CTNNBIP1: variants seen among roughly 807,000 people sequenced by gnomAD.
The protein encoded by CTNNBIP1 is catenin beta interacting protein 1, also known as beta-catenin-interacting protein 1.
A neutral mutation model predicts 11.8 loss-of-function variants in CTNNBIP1; 7 were observed. The observed-to-expected ratio is 0.60, with a 90% CI of 0.34 to 1.12. The LOEUF (loss-of-function observed/expected upper bound fraction) is 1.12, where lower values mean the gene tolerates loss of function less well. Ranked by LOEUF, CTNNBIP1 falls within the 50% of genes most tolerant of loss-of-function variation. The pLI is 0.03. For synonymous variants in CTNNBIP1, 58 were observed against 43.9 expected (o/e 1.32, Z -1.26); for missense variants, 101 against 113.4 (o/e 0.89, Z 0.50).
intron 3 of CTNNBIP1, among the ~76,000 whole-genome samples, chr1:9,877,304 T>C (rs1313700406): frequency 6.6e-6 from 1 of 152,232 alleles, no homozygotes; most frequent in Non-Finnish European, 1.5e-5. Context: ...CTGGCCTCGC[T>C]TTGACAGGCA....
intron 3 of CTNNBIP1, among the ~76,000 whole-genome samples, chr1:9,876,596 G>A (rs1421217469): frequency 1.3e-5 from 2 of 152,088 alleles, no homozygotes; most frequent in East Asian, 1.9e-4. Flanking sequence ...CAACCTGAGC[G>A]ACAGAGTGAG....
Position 9,906,258 on chromosome 1 carries a change from A to C in CTNNBIP1, c.-144+3837T>G, listed in dbSNP as rs115369999. On this transcript the variant is annotated intron_variant, in intron 1 of 5. Coordinates refer to ENST00000377263, the MANE Select transcript of CTNNBIP1 (RefSeq NM_020248.3). ...GTCTTGGTACAAAGTCCATGGTCTA[A>C]TTAAGAGCTACACTTCAGGCCAGGC... 4.7e-3 allele frequency among the ~76,000 whole-genome samples: 718 copies of C among 152,298 alleles called. 6 individuals carry two copies. The highest frequency in any genetic ancestry group is 0.016 in the African/African-American group (651 of 41,560).
In CTNNBIP1 at chr1:9,871,075, G is replaced by A. The variant is rs1005106264; in HGVS notation, c.187+112C>T. On this transcript the variant is annotated intron_variant, in intron 5 of 5. Coordinates refer to ENST00000377263, the MANE Select transcript of CTNNBIP1 (RefSeq NM_020248.3). The surrounding 1 kb of genome is among the most constrained non-coding windows in gnomAD (Gnocchi z 5.2). ...CTGTAGCCCCTCCTAGTCAGCCCTG[G>A]GTCTCATGGATCACCCATCAAAGAG... 72 of 776,712 alleles carry A rather than the reference G, an allele frequency of 9.3e-5. No homozygotes were observed. Among genetic ancestry groups the A allele is most frequent in the Non-Finnish European group, 1.3e-4 (63 of 483,516 alleles). The allele number at this position is 776,712 out of a possible 1,614,324, so 48.1% of individuals were successfully genotyped here.
intron 3 of CTNNBIP1, among the ~76,000 whole-genome samples, chr1:9,873,464 G>A (rs1388092403): frequency 2.0e-5 from 3 of 152,178 alleles, no homozygotes; most frequent in Non-Finnish European, 4.4e-5. Flanking sequence ...CTGTGCAGCT[G>A]AGCAGGGAAG....
At chr1:9,878,879 C>T (rs146474789) in intron 2 of CTNNBIP1, among the ~76,000 whole-genome samples, 4 of 152,228 alleles carry the variant, frequency 2.6e-5, no homozygotes, top group African/African-American at 9.6e-5. Flanking sequence ...ATATATTATG[C>T]GGTAGACAAC....
chr1:9,870,381 G>A (rs1228609371), intron 5 of CTNNBIP1, among the ~76,000 whole-genome samples: 1 of 152,206 alleles, frequency 6.6e-6, no homozygotes, highest in Non-Finnish European at 1.5e-5. Flanking sequence ...ACCTTGCTGA[G>A]CAGCCAAGGG....
chr1:9,874,148 C>T lies in CTNNBIP1; in HGVS notation c.-24-2060G>A, dbSNP rs548296255. The stretch of plus-strand genomic sequence containing the variant: ...TTCCCCTTGCTCTGCCTTCCTGGCA[C>T]TCGTCCGTTCTAGAACATGCGGAGA... On this transcript the variant is annotated intron_variant, in intron 3 of 5. Coordinates refer to ENST00000377263, the MANE Select transcript of CTNNBIP1 (RefSeq NM_020248.3). Among the ~76,000 whole-genome samples, 5 of 152,314 alleles carry T rather than the reference C, an allele frequency of 3.3e-5. No homozygotes were observed. In the South Asian group the frequency reaches 8.3e-4, roughly 25 times the overall value.
intron 1 of CTNNBIP1, among the ~76,000 whole-genome samples, chr1:9,902,601 C>G (rs571182286): frequency 6.6e-6 from 1 of 152,262 alleles, no homozygotes; most frequent in South Asian, 2.1e-4. Flanking sequence ...CCACTCAGGG[C>G]AGGTAGCCAC....
chr1:9,854,926 C>A (rs922216624), intron 5 of CTNNBIP1, among the ~76,000 whole-genome samples: 6 of 152,182 alleles, frequency 3.9e-5, no homozygotes, highest in African/African-American at 1.4e-4. Context: ...ATCTGCCCAC[C>A]TTGGCCTCCC....
chr1:9,908,204 A>G (rs754569195), intron 1 of CTNNBIP1, among the ~76,000 whole-genome samples: 2 of 151,096 alleles, frequency 1.3e-5, no homozygotes, highest in African/African-American at 2.4e-5. Context: ...GACTACAGGC[A>G]TGCACCACCA....
intron 1 of CTNNBIP1, among the ~76,000 whole-genome samples, chr1:9,893,389 G>A (rs1339255268): frequency 3.3e-5 from 5 of 152,198 alleles, no homozygotes; most frequent in South Asian, 4.2e-4. Context: ...CCAAAGCCAC[G>A]AAACTGTTAG....
intron 1 of CTNNBIP1, among the ~76,000 whole-genome samples, chr1:9,908,370 C>CTTTTT (rs35640583): frequency 1.4e-5 from 1 of 72,464 alleles, no homozygotes; most frequent in African/African-American, 4.9e-5. Context: ...TCCACAGATT[C>CTTTTT]TTTTTTTTTT....
intron 1 of CTNNBIP1, among the ~76,000 whole-genome samples, chr1:9,889,775 A>C (rs1639263601): frequency 6.6e-6 from 1 of 152,228 alleles, no homozygotes; most frequent in Non-Finnish European, 1.5e-5. Context: ...ATACTAAAAC[A>C]AACCCACATC....
At chr1:9,889,050 A>G (rs946024262) in intron 1 of CTNNBIP1, among the ~76,000 whole-genome samples, 2 of 152,152 alleles carry the variant, frequency 1.3e-5, no homozygotes, top group African/African-American at 4.8e-5. Context: ...CCTCCTTTCT[A>G]TGAAGGGGCT....
intron 5 of CTNNBIP1, among the ~76,000 whole-genome samples, chr1:9,857,515 C>T (rs1570559674): frequency 6.7e-6 from 1 of 149,748 alleles, no homozygotes; most frequent in South Asian, 2.1e-4. Flanking sequence ...AAAGGCCAGG[C>T]ACAGTGGCTC....
At chr1:9,863,815 C>T (rs1479076047) in intron 5 of CTNNBIP1, among the ~76,000 whole-genome samples, 1 of 152,178 alleles carries the variant, frequency 6.6e-6, no homozygotes, top group African/African-American at 2.4e-5. Flanking sequence ...GAACTTTCCA[C>T]ACTGAGCTGT....
At chr1:9,902,955 C>T (rs779009533) in intron 1 of CTNNBIP1, among the ~76,000 whole-genome samples, 26 of 152,098 alleles carry the variant, frequency 1.7e-4, no homozygotes, top group African/African-American at 5.8e-4. Flanking sequence ...TTAGTAAAGA[C>T]GGGGTTTCAC....
intron 1 of CTNNBIP1, among the ~76,000 whole-genome samples, chr1:9,897,843 G>A (rs1046138540): frequency 6.6e-6 from 1 of 151,812 alleles, no homozygotes; most frequent in Non-Finnish European, 1.5e-5. Context: ...AAATTTGGCC[G>A]GATGCGGTGG....
chr1:9,866,662 A>G (rs1057497670), intron 5 of CTNNBIP1, among the ~76,000 whole-genome samples: 1 of 149,658 alleles, frequency 6.7e-6, no homozygotes, highest in Non-Finnish European at 1.5e-5. Flanking sequence ...CCTGGGTGAC[A>G]GAACAAAACT....
Sources: gnomAD v4.1 joint callset for allele counts (sites outside exome capture counted in the v4.1 genomes callset) on GRCh38, gnomAD v4.1.1 for gene constraint, Gnocchi (gnomAD v3.1) non-coding constraint, MANE v1.5 for transcripts, NCBI Gene and HGNC (gene_info 2026-07-23, HGNC 2026-07-21) for gene names.